DCC: variants seen among roughly 807,000 people sequenced by gnomAD.
The protein encoded by DCC is netrin receptor DCC.
DCC carries 58 observed loss-of-function variants against 172.5 expected under a neutral mutation model. That is an observed-to-expected ratio of 0.34 (90% CI 0.27 to 0.42). The LOEUF is 0.42. Ranked by LOEUF, DCC falls within the 10% of genes least tolerant of loss-of-function variation. The pLI is 1.00. For missense variants in DCC, 1,740 were observed against 1,791.0 expected (o/e 0.97, Z 0.51); for synonymous variants, 709 against 644.5 (o/e 1.10, Z -1.52).
chr18:52,768,250 G>A (rs1023907308), intron 2 of DCC, among the ~76,000 whole-genome samples: 1 of 152,178 alleles, frequency 6.6e-6, no homozygotes, highest in Admixed American at 6.5e-5. Flanking sequence ...TGGGGAACAT[G>A]TGTTTCATAT....
At chr18:53,473,617 A>T (rs995499399) in intron 25 of DCC, among the ~76,000 whole-genome samples, 24 of 152,314 alleles carry the variant, frequency 1.6e-4, no homozygotes, top group African/African-American at 5.3e-4. Context: ...TATTATTTTC[A>T]TTTAATCCTC....
intron 12 of DCC, among the ~76,000 whole-genome samples, chr18:53,290,825 T>C (rs1320614873): frequency 2.6e-5 from 4 of 152,182 alleles, no homozygotes; most frequent in East Asian, 3.8e-4. Flanking sequence ...CATCAAACAC[T>C]ATGACTTATT....
chr18:52,403,766 A>G (rs1226810633), intron 1 of DCC, among the ~76,000 whole-genome samples: 1 of 152,058 alleles, frequency 6.6e-6, no homozygotes, highest in African/African-American at 2.4e-5. Context: ...ATTTGCTGCT[A>G]ATTCAATAGC....
chr18:53,509,409 G>A (rs758700087), intron 27 of DCC, among the ~76,000 whole-genome samples: 17 of 152,198 alleles, frequency 1.1e-4, no homozygotes, highest in Non-Finnish European at 1.6e-4. Context: ...CTCAAGTTTT[G>A]TGTGCCTGGG....
At chr18:53,266,965 G>A (rs772864478) in intron 12 of DCC, among the ~76,000 whole-genome samples, 2 of 151,932 alleles carry the variant, frequency 1.3e-5, no homozygotes, top group African/African-American at 2.4e-5. Flanking sequence ...TTACTATTAT[G>A]AAGAATGCTG....
intron 1 of DCC, among the ~76,000 whole-genome samples, chr18:52,672,173 A>G (rs1429149354): frequency 1.3e-5 from 2 of 152,244 alleles, no homozygotes; most frequent in South Asian, 2.1e-4. Context: ...AAATGTTAGT[A>G]TACAACGTGG....
At chr18:52,555,259 C>T (rs77487024) in intron 1 of DCC, among the ~76,000 whole-genome samples, 6,251 of 152,172 alleles carry the variant, frequency 0.041, 162 homozygotes, top group Non-Finnish European at 0.054. Context: ...TTTGGACTAA[C>T]ATAAACCTGA....
At chr18:53,397,586 C>A (rs1909035299) in intron 18 of DCC, 140 bp downstream of exon 18, 4 of 882,406 alleles carry the variant, frequency 4.5e-6, no homozygotes, top group African/African-American at 1.7e-5. Flanking sequence ...GTTCATAGCA[C>A]TTTTATATCT....
Position 52,927,148 on chromosome 18 carries a change from T to TATATATAC in DCC, c.985+1778_985+1779insATATATAC, listed in dbSNP as rs1568192205. ...ATACACGTATATACGTGTATATATG[T>TATATATAC]GTATATATACGTATATATGTGTATA... On this transcript the variant is annotated intron_variant, in intron 5 of 28. Coordinates refer to ENST00000442544, the MANE Select transcript of DCC (RefSeq NM_005215.4). 1.7e-4 allele frequency among the ~76,000 whole-genome samples: 7 copies of TATATATAC among 40,712 alleles called. 1 individual carries two copies. The highest frequency in any genetic ancestry group is 2.3e-4 in the Admixed American group (1 of 4,436). 26.7% of individuals were successfully genotyped at this position (40,712 alleles called of 152,430 possible).
chr18:52,561,806 G>A (rs559366592), intron 1 of DCC, among the ~76,000 whole-genome samples: 2 of 152,024 alleles, frequency 1.3e-5, no homozygotes, highest in East Asian at 3.9e-4. Flanking sequence ...AATGCTATAC[G>A]CCCATTAGCT....
intron 5 of DCC, among the ~76,000 whole-genome samples, chr18:52,955,585 T>C (rs982735448): frequency 6.6e-5 from 10 of 152,074 alleles, no homozygotes; most frequent in South Asian, 2.1e-4. Context: ...TGCTGGATCA[T>C]ATGTGAAGAG....
At chr18:52,346,270 C>T (rs553249663) in intron 1 of DCC, among the ~76,000 whole-genome samples, 60 of 152,276 alleles carry the variant, frequency 3.9e-4, no homozygotes, top group African/African-American at 1.4e-3. Context: ...GTATTATGCA[C>T]CTTTATCATT....
chr18:52,489,235 T>C (rs567708044), intron 1 of DCC, among the ~76,000 whole-genome samples: 1 of 152,208 alleles, frequency 6.6e-6, no homozygotes, highest in African/African-American at 2.4e-5. Flanking sequence ...AAGCTCTCCG[T>C]AGTCAACTTT....
At chr18:53,334,675 A>G (rs1427454714) in intron 14 of DCC, among the ~76,000 whole-genome samples, 2 of 152,108 alleles carry the variant, frequency 1.3e-5, no homozygotes, top group East Asian at 3.9e-4. Flanking sequence ...GGAGATTTAC[A>G]CAGTTTTTGT....
At chr18:53,427,129 T>C (rs1298733435) in intron 21 of DCC, among the ~76,000 whole-genome samples, 1 of 152,130 alleles carries the variant, frequency 6.6e-6, no homozygotes, top group Non-Finnish European at 1.5e-5. Context: ...CCAAAAAAGA[T>C]TGTCTCATTC....
At chr18:53,173,632 T>C (rs2055046512) in intron 8 of DCC, among the ~76,000 whole-genome samples, 1 of 151,950 alleles carries the variant, frequency 6.6e-6, no homozygotes, top group Non-Finnish European at 1.5e-5. Context: ...GAGCTAACTA[T>C]CCTAAATATA....
intron 5 of DCC, among the ~76,000 whole-genome samples, chr18:53,062,211 A>T (rs2042504856): frequency 6.6e-6 from 1 of 152,118 alleles, no homozygotes; most frequent in African/African-American, 2.4e-5. Context: ...AGTTTTTACC[A>T]GCTCTTTTAT....
chr18:52,465,659 C>A (rs1988763296), intron 1 of DCC, among the ~76,000 whole-genome samples: 1 of 152,060 alleles, frequency 6.6e-6, no homozygotes, highest in Non-Finnish European at 1.5e-5. Flanking sequence ...AGTCCTAGAC[C>A]ACTAGCCTGG....
intron 5 of DCC, among the ~76,000 whole-genome samples, chr18:52,935,684 C>G (rs1039245268): frequency 6.6e-6 from 1 of 152,024 alleles, no homozygotes; most frequent in African/African-American, 2.4e-5. Context: ...GTTCATCTAC[C>G]TCAGACTTGG....
Sources: allele counts gnomAD v4.1 joint callset (sites outside exome capture counted in the v4.1 genomes callset), GRCh38; gene constraint gnomAD v4.1.1; transcripts MANE v1.5; gene names NCBI Gene and HGNC (gene_info 2026-07-23, HGNC 2026-07-21).